Variants in PIK3CB observed in about 807,000 individuals in gnomAD.
The protein encoded by PIK3CB is phosphatidylinositol 4,5-bisphosphate 3-kinase catalytic subunit beta isoform.
PIK3CB carries 39 observed loss-of-function variants against 136.8 expected under a neutral mutation model. The observed-to-expected ratio is 0.29, with a 90% CI of 0.22 to 0.37. The LOEUF (loss-of-function observed/expected upper bound fraction) is 0.37. Ranked by LOEUF, PIK3CB falls within the 10% of genes least tolerant of loss-of-function variation. PIK3CB has a pLI of 1.00. For synonymous variants in PIK3CB, 428 were observed against 436.6 expected (o/e 0.98, Z 0.25); for missense variants, 868 against 1,275.4 (o/e 0.68, Z 4.87).
intron 18 of PIK3CB, among the ~76,000 whole-genome samples, chr3:138,682,921 C>T (rs1457263773): frequency 2.6e-5 from 4 of 152,134 alleles, no homozygotes; most frequent in Non-Finnish European, 5.9e-5. Context: ...GTCACCACTG[C>T]CTATTGGCTG....
At chr3:138,781,228 G>A (rs922427250) in intron 2 of PIK3CB, among the ~76,000 whole-genome samples, 1 of 151,522 alleles carries the variant, frequency 6.6e-6, no homozygotes, top group African/African-American at 2.4e-5. Flanking sequence ...GTAGGTTGAG[G>A]CCATAGTAAG....
chr3:138,822,816 T>C (rs1933617921), intron 1 of PIK3CB, among the ~76,000 whole-genome samples: 3 of 146,276 alleles, frequency 2.1e-5, no homozygotes, highest in South Asian at 4.3e-4. Flanking sequence ...CAAATATATA[T>C]ATATGAAATA....
At position 138,733,345 on chromosome 3, in the gene PIK3CB, CT is replaced by C; in HGVS notation, c.1050+15del. 7.8e-7 allele frequency: 1 copy of C among 1,279,558 alleles called. No homozygotes were observed. Among genetic ancestry groups the C allele is most frequent in the Non-Finnish European group, 1.1e-6 (1 of 891,626 alleles). 79.3% of individuals were successfully genotyped at this position (1,279,558 alleles called of 1,614,324 possible). A position where few individuals can be genotyped will look rare whatever the true frequency, so the allele number is the denominator to read the frequency against. The stretch of plus-strand genomic sequence containing the variant: ...ACTGGAGCGGATGGCAAATTCAAAT[CT>C]TAGTGGGTACTCACTTTTACAGTTT... On this transcript the variant is annotated intron_variant, in intron 8 of 23. Coordinates refer to ENST00000674063, the MANE Select transcript of PIK3CB (RefSeq NM_006219.3).
At chr3:138,697,578 G>A (rs547682012) in intron 13 of PIK3CB, among the ~76,000 whole-genome samples, 126 of 152,124 alleles carry the variant, frequency 8.3e-4, no homozygotes, top group Non-Finnish European at 1.7e-3. Context: ...TGGAACAGGC[G>A]TGCACCACCA....
In PIK3CB at chr3:138,700,336, A is replaced by C. The variant is rs944723024; in HGVS notation, c.1582-1241T>G. Reference sequence around the variant, plus strand: ...ATAAAAAATGAAACTCTCCGGAGAAATGCCTGATTCCAAGGCTGGGGTAGG... The same window carrying C: ...ATAAAAAATGAAACTCTCCGGAGAACTGCCTGATTCCAAGGCTGGGGTAGG... On this transcript the variant is annotated intron_variant, in intron 12 of 23. Transcript: ENST00000674063. Among the ~76,000 whole-genome samples, 22 of 152,310 alleles carry C rather than the reference A, an allele frequency of 1.4e-4. No homozygotes were observed. In the East Asian group the frequency reaches 4.2e-3, roughly 29 times the overall value.
At chr3:138,707,622 T>C in intron 10 of PIK3CB, 1 of 946,678 alleles carries the variant, frequency 1.1e-6, no homozygotes, top group South Asian at 3.4e-5. Flanking sequence ...GAAACTATAA[T>C]CTCATCACTA....
chr3:138,789,000 C>CAAA (rs2046018392), intron 2 of PIK3CB, among the ~76,000 whole-genome samples: 1 of 110,040 alleles, frequency 9.1e-6, no homozygotes, highest in Non-Finnish European at 2.0e-5. Flanking sequence ...AAACAAAAAA[C>CAAA]AACACCACAG....
intron 1 of PIK3CB, among the ~76,000 whole-genome samples, chr3:138,829,915 C>CT (rs767350221): frequency 2.6e-5 from 4 of 152,126 alleles, no homozygotes; most frequent in Non-Finnish European, 5.9e-5. Flanking sequence ...AGGCAGAAGA[C>CT]TGAAGTTCAG....
intron 5 of PIK3CB, among the ~76,000 whole-genome samples, chr3:138,738,497 A>G (rs898486225): frequency 6.6e-6 from 1 of 152,140 alleles, no homozygotes. Context: ...TTTTGTATAT[A>G]TATTTTTAAA....
intron 14 of PIK3CB, among the ~76,000 whole-genome samples, chr3:138,693,011 G>A (rs532571334): frequency 6.6e-6 from 1 of 152,308 alleles, no homozygotes; most frequent in African/African-American, 2.4e-5. Context: ...ATATTACACA[G>A]TAGTGAAAGG....
intron 1 of PIK3CB, among the ~76,000 whole-genome samples, chr3:138,818,156 A>G (rs1006445928): frequency 6.6e-6 from 1 of 152,140 alleles, no homozygotes; most frequent in Non-Finnish European, 1.5e-5. Context: ...ATGGAAACTC[A>G]TATTTAGTGA....
At chr3:138,691,232 T>G in intron 14 of PIK3CB, 89 bp from the exon 15 acceptor site, 2 of 1,181,716 alleles carry the variant, frequency 1.7e-6, no homozygotes, top group Non-Finnish European at 2.4e-6. Context: ...GTGAACTTGT[T>G]GAAACACAAT....
At chr3:138,663,451 G>A (rs920269645) in intron 21 of PIK3CB, among the ~76,000 whole-genome samples, 3 of 151,956 alleles carry the variant, frequency 2.0e-5, no homozygotes, top group East Asian at 1.9e-4. Flanking sequence ...AGGCGATCTC[G>A]GCTCACTGCA....
chr3:138,742,804 T>A (rs1381058053), intron 4 of PIK3CB, 23 bp from the exon 5 acceptor site: 1 of 1,257,838 alleles, frequency 8.0e-7, no homozygotes, highest in South Asian at 1.3e-5. Flanking sequence ...TTTAAAGGTG[T>A]CATTTTCAGT....
chr3:138,832,055 G>C (rs1934062048), intron 1 of PIK3CB, among the ~76,000 whole-genome samples: 1 of 152,212 alleles, frequency 6.6e-6, no homozygotes, highest in Non-Finnish European at 1.5e-5. Flanking sequence ...GCTAGCAGTA[G>C]TTCTACTGTT....
At chr3:138,788,977 A>C (rs1296532923) in intron 2 of PIK3CB, among the ~76,000 whole-genome samples, 30 of 147,798 alleles carry the variant, frequency 2.0e-4, no homozygotes, top group African/African-American at 6.8e-4. Context: ...AAAAAAAAAA[A>C]AAAAAAAAAA....
chr3:138,705,166 A>AC (rs2044340845), intron 11 of PIK3CB, among the ~76,000 whole-genome samples: 1 of 97,824 alleles, frequency 1.0e-5, no homozygotes, highest in Non-Finnish European at 2.1e-5. Context: ...AAAAAAAAAA[A>AC]AAAAAAACAA....
chr3:138,776,292 G>A (rs1057426129), intron 2 of PIK3CB, among the ~76,000 whole-genome samples: 23 of 152,100 alleles, frequency 1.5e-4, no homozygotes, highest in African/African-American at 5.1e-4. Context: ...CTGACTGAAC[G>A]TAGCTACTAA....
At position 138,807,212 on chromosome 3, in the gene PIK3CB, T is replaced by C. The variant is rs184767264; in HGVS notation, c.-121-10645A>G. On this transcript the variant is annotated intron_variant, in intron 1 of 23. Coordinates refer to ENST00000674063, the MANE Select transcript of PIK3CB (RefSeq NM_006219.3). ...ACTTTGGGAGGCCCAGGCAGGAGAA[T>C]TGCTTGAACTCAGGAGTTCGAGACC... Among the ~76,000 whole-genome samples, 206 of 152,286 alleles carry C rather than the reference T, an allele frequency of 1.4e-3. 1 individual carries two copies. Among genetic ancestry groups the C allele is most frequent in the African/African-American group, 4.3e-3 (177 of 41,556 alleles).
Sources: allele counts gnomAD v4.1 joint callset (sites outside exome capture counted in the v4.1 genomes callset), GRCh38; gene constraint gnomAD v4.1.1; transcripts MANE v1.5; gene names NCBI Gene and HGNC (gene_info 2026-07-23, HGNC 2026-07-21).